The following SLC4A4 variants were observed in gnomAD, a reference collection of about 807,000 sequenced individuals.
The protein encoded by SLC4A4 is solute carrier family 4 member 4, also known as electrogenic sodium bicarbonate cotransporter 1.
Under a neutral mutation model 111.5 loss-of-function variants are expected in SLC4A4, and 27 were observed. The ratio of observed to expected loss-of-function variants is 0.24; its 90% CI spans 0.18 to 0.33. SLC4A4 has a LOEUF of 0.33. Among genes scored for constraint, SLC4A4 ranks in the 10% least tolerant of loss-of-function variants. The pLI, the probability that SLC4A4 is intolerant of heterozygous loss-of-function variation, is 1.00. For missense variants in SLC4A4, 909 were observed against 1,315.5 expected (o/e 0.69, Z 4.78); for synonymous variants, 443 against 463.4 (o/e 0.96, Z 0.57).
At chr4:71,223,455 G>A (rs759016935) in intron 1 of SLC4A4, among the ~76,000 whole-genome samples, 20 of 152,098 alleles carry the variant, frequency 1.3e-4, no homozygotes, top group Non-Finnish European at 4.4e-5. Flanking sequence ...GAGCCACCGT[G>A]CCCGGCCTGC....
chr4:71,305,730 A>G (rs1180337250), intron 3 of SLC4A4, among the ~76,000 whole-genome samples: 1 of 152,230 alleles, frequency 6.6e-6, no homozygotes, highest in Non-Finnish European at 1.5e-5. Flanking sequence ...CAGTGTGTCC[A>G]GGCACACTGT....
chr4:71,343,916 C>T (rs1729098156), intron 4 of SLC4A4, among the ~76,000 whole-genome samples: 1 of 151,926 alleles, frequency 6.6e-6, no homozygotes, highest in South Asian at 2.1e-4. Flanking sequence ...TCTGTCTTCC[C>T]TGAACCCCCA....
chr4:71,256,926 TAG>T (rs552324025), intron 3 of SLC4A4, among the ~76,000 whole-genome samples: 3 of 152,184 alleles, frequency 2.0e-5, no homozygotes, highest in Non-Finnish European at 4.4e-5. Flanking sequence ...TTCTTCAGAT[TAG>T]AACAAGAGTG....
intron 2 of SLC4A4, among the ~76,000 whole-genome samples, chr4:71,237,153 G>T (rs1242638750): frequency 1.3e-5 from 2 of 152,274 alleles, no homozygotes; most frequent in Non-Finnish European, 1.5e-5. Context: ...GGAAAAGATG[G>T]ACAAGCATTT....
At chr4:71,194,055 A>G (rs1418704056) in intron 1 of SLC4A4, among the ~76,000 whole-genome samples, 5 of 152,248 alleles carry the variant, frequency 3.3e-5, no homozygotes. Flanking sequence ...TGCTTTACAT[A>G]AAAGTAGAGC....
chr4:71,063,144 A>C (rs1417691809), intron 1 of SLC4A4, among the ~76,000 whole-genome samples: 2 of 152,248 alleles, frequency 1.3e-5, no homozygotes, highest in Non-Finnish European at 2.9e-5. Context: ...GTAAAGAAGT[A>C]GAAAGTTAAT....
rs12499057 is a variant in SLC4A4 at position 71,464,222 on chromosome 4, G to T, written c.1498-2222G>T. Among the ~76,000 whole-genome samples the T allele has an allele frequency of 1.8e-3, 270 of 152,296 alleles. 5 individuals carry two copies. The highest frequency in any genetic ancestry group is 0.015 in the Admixed American group (236 of 15,300). ...TTTATCCTTACCAGGGGTGAAGTCT[G>T]GTTGGGCAAGTACATACACTAAAGA... is the stretch of plus-strand genomic sequence containing the variant. On this transcript the variant is annotated intron_variant, in intron 12 of 25. Coordinates refer to ENST00000264485, the MANE Select transcript of SLC4A4 (RefSeq NM_001098484.3).
intron 2 of SLC4A4, among the ~76,000 whole-genome samples, chr4:71,110,211 ATTAT>A (rs1743050654): frequency 6.6e-6 from 1 of 151,866 alleles, no homozygotes; most frequent in Non-Finnish European, 1.5e-5. Flanking sequence ...TTTAATTTTT[ATTAT>A]TTATTTATTT....
intron 7 of SLC4A4, among the ~76,000 whole-genome samples, chr4:71,413,289 T>C (rs1396292700): frequency 6.6e-6 from 1 of 152,228 alleles, no homozygotes; most frequent in East Asian, 1.9e-4. Flanking sequence ...CTTGTATATC[T>C]CAGCCCTGGA....
intron 1 of SLC4A4, among the ~76,000 whole-genome samples, chr4:71,072,137 T>C (rs1741682588): frequency 6.6e-6 from 1 of 152,208 alleles, no homozygotes; most frequent in Admixed American, 6.5e-5. Context: ...ATCTTTTGTA[T>C]AATACTTAGG....
intron 22 of SLC4A4, among the ~76,000 whole-genome samples, chr4:71,558,526 G>A (rs889984892): frequency 3.3e-5 from 5 of 151,910 alleles, no homozygotes; most frequent in Non-Finnish European, 2.9e-5. Context: ...AAGGAGTTCT[G>A]TATTTGGCAT....
chr4:71,198,334 A>G (rs954421642), intron 1 of SLC4A4, among the ~76,000 whole-genome samples: 2 of 152,216 alleles, frequency 1.3e-5, no homozygotes, highest in African/African-American at 4.8e-5. Context: ...ACACTTGAAC[A>G]TGCATTTGAG....
intron 1 of SLC4A4, among the ~76,000 whole-genome samples, chr4:71,084,183 A>G (rs74837591): frequency 0.011 from 1,657 of 152,148 alleles, 45 homozygotes; most frequent in African/African-American, 0.038. Context: ...ATTCAAGGGA[A>G]TTGTTCAATA....
At chr4:71,454,808 A>C (rs957650904) in intron 12 of SLC4A4, among the ~76,000 whole-genome samples, 2 of 151,996 alleles carry the variant, frequency 1.3e-5, no homozygotes, top group Admixed American at 1.3e-4. Context: ...CAACCATTTT[A>C]TTACTCTCTT....
At position 71,569,346 on chromosome 4, in the gene SLC4A4, T is replaced by C. The variant is rs1304664200; in HGVS notation, c.*1595T>C. 1 of 151,692 alleles carries C rather than the reference T, an allele frequency of 6.6e-6. No individual in the cohort carries two copies. The highest frequency in any genetic ancestry group is 1.5e-5 in the Non-Finnish European group (1 of 67,784). The allele number at this position is 151,692 out of a possible 1,614,324, so 9.4% of individuals were successfully genotyped here. On this transcript the variant is annotated 3_prime_UTR_variant, in exon 26 of 26. Transcript: ENST00000264485. ...ATAAAATGTAATGGGATTGCAGAGC[T>C]GCAGAGTACAGTGTAACAGTACTCT...
rs1460523801 is a variant in SLC4A4, at chr4:71,302,486, A to T, written c.254-36884A>T. Reference sequence around the variant, plus strand: ...TAACAGGTATCCCTTATCAATGAAAATTACCTTTAAAAGTATAAAGCAGCA... The same window carrying T: ...TAACAGGTATCCCTTATCAATGAAATTTACCTTTAAAAGTATAAAGCAGCA... On this transcript the variant is annotated intron_variant, in intron 3 of 25. Coordinates refer to ENST00000264485, the MANE Select transcript of SLC4A4 (RefSeq NM_001098484.3). Among the ~76,000 whole-genome samples the T allele has an allele frequency of 4.6e-5, 7 of 152,352 alleles. No individual in the cohort carries two copies. The South Asian group carries it at 1.5e-3, about 32-fold the overall frequency.
At chr4:71,254,976 A>G (rs913591529) in intron 2 of SLC4A4, among the ~76,000 whole-genome samples, 4 of 152,222 alleles carry the variant, frequency 2.6e-5, no homozygotes, top group African/African-American at 9.6e-5. Context: ...TTTCCTAAAC[A>G]AAAGTAGTCT....
intron 4 of SLC4A4, among the ~76,000 whole-genome samples, chr4:71,347,879 G>T (rs1215824314): frequency 1.3e-5 from 2 of 151,954 alleles, no homozygotes; most frequent in East Asian, 1.9e-4. Flanking sequence ...CTATCCCTCA[G>T]AAAATAAGCA....
In SLC4A4 at chr4:71,263,802, AT is replaced by A. The variant is rs527549067; in HGVS notation, c.253+8412del. On this transcript the variant is annotated intron_variant, in intron 3 of 25. Transcript: ENST00000264485. ...ACAGAGATGAAAGTGCTACCTGTGTATTTTTTTTTCTTATGGGAAATATATT... is the reference window on the plus strand; with the variant it reads ...ACAGAGATGAAAGTGCTACCTGTGTATTTTTTTTCTTATGGGAAATATATT... 1.3e-4 allele frequency among the ~76,000 whole-genome samples: 20 copies of A among 151,614 alleles called. 1 individual carries two copies. Among genetic ancestry groups the A allele is most frequent in the African/African-American group, 4.1e-4 (17 of 41,362 alleles).
Sources: allele counts gnomAD v4.1 joint callset (sites outside exome capture counted in the v4.1 genomes callset), GRCh38; gene constraint gnomAD v4.1.1; transcripts MANE v1.5; gene names NCBI Gene and HGNC (gene_info 2026-07-23, HGNC 2026-07-21).